EFHC1: variants seen among roughly 807,000 people sequenced by gnomAD.
EFHC1 encodes EF-hand domain-containing protein 1.
EFHC1 carries 53 observed loss-of-function variants against 69.9 expected under a neutral mutation model. That is an observed-to-expected ratio of 0.76 (90% CI 0.61 to 0.95). EFHC1 has a LOEUF of 0.95. EFHC1 is among the 40% of genes least tolerant of loss of function. The pLI, the probability that EFHC1 is intolerant of heterozygous loss-of-function variation, is 0.00. For missense variants in EFHC1, 739 were observed against 798.7 expected (o/e 0.93, Z 0.90); for synonymous variants, 256 against 278.4 (o/e 0.92, Z 0.80).
intron 10 of EFHC1, among the ~76,000 whole-genome samples, chr6:52,491,515 T>G (rs569404596): frequency 1.3e-5 from 2 of 152,104 alleles, no homozygotes; most frequent in Non-Finnish European, 2.9e-5. Context: ...CAGTCTTTTA[T>G]TTGAATATAA....
At chr6:52,449,812 G>T (rs1044981277) in intron 3 of EFHC1, among the ~76,000 whole-genome samples, 2 of 152,072 alleles carry the variant, frequency 1.3e-5, no homozygotes, top group African/African-American at 4.8e-5. Flanking sequence ...ATTTCCTTCA[G>T]TTCAGCTCTG....
chr6:52,490,903 A>ATTT (rs1765885966), intron 10 of EFHC1: 1 of 157,720 alleles, frequency 6.3e-6, no homozygotes, highest in African/African-American at 2.4e-5. Flanking sequence ...TTCATTATAA[A>ATTT]CCCTTTAGCC....
chr6:52,453,457 C>T, intron 4 of EFHC1: 1 of 1,287,092 alleles, frequency 7.8e-7, no homozygotes, highest in Non-Finnish European at 1.0e-6. Flanking sequence ...ACCCTCAGTG[C>T]TTCTTTGCTG....
chr6:52,454,575 T>G (rs1764998089), intron 5 of EFHC1, among the ~76,000 whole-genome samples: 1 of 152,182 alleles, frequency 6.6e-6, no homozygotes. Context: ...AATTTAATAT[T>G]AGATTTTTAA....
chr6:52,488,560 A>C (rs1054430011), intron 9 of EFHC1: 2 of 152,224 alleles, frequency 1.3e-5, no homozygotes, highest in Admixed American at 1.3e-4. Context: ...TTGATAGTCT[A>C]TCATGAACCC....
At chr6:52,477,417 G>A (rs1340760095) in intron 7 of EFHC1, among the ~76,000 whole-genome samples, 2 of 152,084 alleles carry the variant, frequency 1.3e-5, no homozygotes, top group Non-Finnish European at 2.9e-5. Context: ...TACAATATGA[G>A]CGGATTTCAG....
At position 52,492,354 on chromosome 6, in the gene EFHC1, A is replaced by AAAATG. The variant is rs1261347633; in HGVS notation, c.*14_*18dup. The AAAATG allele has an allele frequency of 6.2e-7, 1 of 1,612,704 alleles. No homozygotes were observed. Among genetic ancestry groups the AAAATG allele is most frequent in the Admixed American group, 1.7e-5 (1 of 60,000 alleles). On this transcript the variant is annotated 3_prime_UTR_variant, in exon 11 of 11. Transcript: ENST00000371068. ...TTTCTCAAACTGACCTGCTGATGAG[A>AAAATG]AAATGCAAGACAATTTTTGATACTG...
intron 6 of EFHC1, chr6:52,468,624 G>T (rs892107783): frequency 6.5e-6 from 1 of 152,954 alleles, no homozygotes; most frequent in African/African-American, 2.4e-5. Flanking sequence ...AGCAAGTTCA[G>T]ATACCACCAC....
At chr6:52,430,562 T>C (rs1313994002) in intron 2 of EFHC1, among the ~76,000 whole-genome samples, 3 of 152,218 alleles carry the variant, frequency 2.0e-5, no homozygotes, top group African/African-American at 7.2e-5. Context: ...TGAAAACCAC[T>C]TAATCGTGGT....
At position 52,454,194 on chromosome 6, in the gene EFHC1, A is replaced by T. The variant is rs1162325490; in HGVS notation, c.823A>T (p.Ile275Phe). Residue 275 changes from isoleucine (I) to phenylalanine (F), a missense_variant, in exon 5 of 11, where the codon ATT (isoleucine) becomes TTT (phenylalanine). By Grantham distance (21) the Ile-to-Phe change is conservative. Transcript: ENST00000371068. The stretch of plus-strand genomic sequence containing the variant: ...CTATCTTATGGATGATACGGTGGAA[A>T]TTCGAGAGGTCCACGAACGGAATGA... The part of the protein sequence containing the change: ...HYYLMDDTVE[I>F]REVHERNDGR... 1 of 1,614,082 alleles carries T rather than the reference A, an allele frequency of 6.2e-7. No individual in the cohort carries two copies. The highest frequency in any genetic ancestry group is 8.5e-7 in the Non-Finnish European group (1 of 1,180,042).
In EFHC1 at chr6:52,493,114, T is replaced by A; in HGVS notation, c.*773T>A. ...TTCCTCCTGCCTGACTGGCTTCAAA[T>A]TGGAACATCAGCCTTTTCTTGCCTT... On this transcript the variant is annotated 3_prime_UTR_variant, in exon 11 of 11. Coordinates refer to ENST00000371068, the MANE Select transcript of EFHC1 (RefSeq NM_018100.4). 2.2e-6 allele frequency: 1 copy of A among 453,978 alleles called. No homozygotes were observed. The highest frequency in any genetic ancestry group is 4.4e-6 in the Non-Finnish European group (1 of 226,756). 28.1% of individuals were successfully genotyped at this position (453,978 alleles called of 1,614,324 possible). A position where few individuals can be genotyped will look rare whatever the true frequency, so the allele number is the denominator to read the frequency against.
chr6:52,468,185 T>C (rs1765352094), intron 6 of EFHC1, among the ~76,000 whole-genome samples: 1 of 152,218 alleles, frequency 6.6e-6, no homozygotes, highest in Admixed American at 6.5e-5. Flanking sequence ...CTGAAAGCAG[T>C]ATCTGAAGGT....
chr6:52,452,203 G>A (rs1764930392), intron 3 of EFHC1, among the ~76,000 whole-genome samples: 1 of 152,222 alleles, frequency 6.6e-6, no homozygotes, highest in Non-Finnish European at 1.5e-5. Flanking sequence ...GCATTATGGA[G>A]TTGGCTCAGT....
At chr6:52,438,742 T>C in intron 3 of EFHC1, 151 bp downstream of exon 3, 1 of 789,428 alleles carries the variant, frequency 1.3e-6, no homozygotes, top group Non-Finnish European at 2.1e-6. Flanking sequence ...TGTGTGTATG[T>C]GCTAATATGT....
chr6:52,454,141 G>A lies in EFHC1; in HGVS notation c.770G>A (p.Gly257Asp). ...AIWDDTDSMY[G>D]ECRTYIIHYY... ...TGGGATGATACAGACAGCATGTATG[G>A]TGAATGTCGGACCTACATCATTCAT... is the stretch of plus-strand genomic sequence containing the variant. The change falls in exon 5 of 11, where the codon GGT becomes GAT. Residue 257 changes from glycine (G) to aspartate (D), a missense_variant. Coordinates refer to ENST00000371068, the MANE Select transcript of EFHC1 (RefSeq NM_018100.4). The A allele has an allele frequency of 1.2e-6, 2 of 1,614,026 alleles. No homozygotes were observed. The highest frequency in any genetic ancestry group is 1.7e-5 in the Admixed American group (1 of 60,022).
intron 5 of EFHC1, among the ~76,000 whole-genome samples, chr6:52,462,801 T>C (rs1765199399): frequency 6.6e-6 from 1 of 150,966 alleles, no homozygotes; most frequent in Non-Finnish European, 1.5e-5. Flanking sequence ...GGCAGGAGAA[T>C]TGCTTGAACC....
In EFHC1 at chr6:52,475,615, C is replaced by T. The variant is rs116227859; in HGVS notation, c.1279-3422C>T. 7.1e-3 allele frequency among the ~76,000 whole-genome samples: 1,076 copies of T among 152,280 alleles called. 20 individuals carry two copies. The highest frequency in any genetic ancestry group is 0.024 in the African/African-American group (1,014 of 41,544). On this transcript the variant is annotated intron_variant, in intron 7 of 10. Coordinates refer to ENST00000371068, the MANE Select transcript of EFHC1 (RefSeq NM_018100.4). ...GTTTGTTAAGAAAATATTACAGCCT[C>T]TGTTTATTTTATTTACTATGAGTGC...
chr6:52,492,828 A>G lies in EFHC1; in HGVS notation c.*487A>G, dbSNP rs1765940199. ...GACAAGGTCTTGCTAGGTTGCCTGA[A>G]CTTGTCTCAAACTCATGAGCTCCAG... On this transcript the variant is annotated 3_prime_UTR_variant, in exon 11 of 11. Transcript: ENST00000371068. The G allele has an allele frequency of 2.3e-6, 1 of 443,720 alleles. No homozygotes were observed. Among genetic ancestry groups the G allele is most frequent in the East Asian group, 7.0e-5 (1 of 14,284 alleles). The allele number at this position is 443,720 out of a possible 1,614,324, so 27.5% of individuals were successfully genotyped here.
At chr6:52,476,244 T>A (rs905453331) in intron 7 of EFHC1, among the ~76,000 whole-genome samples, 1 of 152,244 alleles carries the variant, frequency 6.6e-6, no homozygotes, top group Non-Finnish European at 1.5e-5. Context: ...GTCTGTTTCT[T>A]CTTATTATCA....
Sources: gnomAD v4.1 joint callset for allele counts (sites outside exome capture counted in the v4.1 genomes callset) on GRCh38, gnomAD v4.1.1 for gene constraint, MANE v1.5 for transcripts, NCBI Gene and HGNC (gene_info 2026-07-23, HGNC 2026-07-21) for gene names.